The following ADAM20 variants were observed in gnomAD, a reference collection of about 807,000 sequenced individuals.
ADAM20 encodes disintegrin and metalloproteinase domain-containing protein 20.
For missense variants in ADAM20, 871 were observed against 883.2 expected, an observed-to-expected ratio of 0.99 and a Z score of 0.18; for synonymous variants, 305 against 310.2, an observed-to-expected ratio of 0.98 and a Z score of 0.18.
the ADAM20 span, among the ~76,000 whole-genome samples, chr14:70,564,736 ATTT>A: frequency 0.071 from 6,498 of 91,738 alleles, 266 homozygotes; most frequent in Middle Eastern, 0.14. Flanking sequence ...GATAGACGCA[ATTT>A]TTTTTTTTTT....
At chr14:70,529,930 G>T (rs1284718040) in intron 1 of ADAM20, among the ~76,000 whole-genome samples, 3 of 151,872 alleles carry the variant, frequency 2.0e-5, no homozygotes, top group Non-Finnish European at 4.4e-5. Context: ...TCAACTTCTT[G>T]ACTGTTTTGT....
chr14:70,529,930 G>A (rs1284718040), intron 1 of ADAM20, among the ~76,000 whole-genome samples: 2 of 151,872 alleles, frequency 1.3e-5, no homozygotes, highest in South Asian at 4.2e-4. Flanking sequence ...TCAACTTCTT[G>A]ACTGTTTTGT....
chr14:70,575,298 G>A, the ADAM20 span, among the ~76,000 whole-genome samples: 3 of 152,028 alleles, frequency 2.0e-5, no homozygotes, highest in African/African-American at 7.2e-5. Flanking sequence ...AGGTTCAAGC[G>A]ATTCTTCTGC....
In ADAM20 at chr14:70,523,410, C is replaced by T; in HGVS notation, c.1348G>A (p.Gly450Arg). Residue 450 changes from glycine to arginine, a missense_variant, in exon 2 of 2, where the codon GGA becomes AGA. By Grantham distance (125) the Gly-to-Arg change is moderately radical. Transcript: ENST00000256389. ...AATTTGCAGTCTTTGCAACATATTC[C>T]AAAAGCACAAGCAGCCCCAGGATGT... ...TLHPGAACAF[G>R]ICCKDCKFLP... 6.2e-7 allele frequency: 1 copy of T among 1,613,948 alleles called. No homozygotes were observed. The highest frequency in any genetic ancestry group is 8.5e-7 in the Non-Finnish European group (1 of 1,179,954).
the ADAM20 span, among the ~76,000 whole-genome samples, chr14:70,540,866 C>T: frequency 6.6e-6 from 1 of 152,114 alleles, no homozygotes; most frequent in African/African-American, 2.4e-5. Flanking sequence ...GATCTTGGCT[C>T]ACTGCAACCT....
chr14:70,553,481 G>GAACC, the ADAM20 span, among the ~76,000 whole-genome samples: 1 of 106,894 alleles, frequency 9.4e-6, no homozygotes, highest in Non-Finnish European at 1.9e-5. Context: ...AAGAAAAAGA[G>GAACC]AACCACAGGC....
At chr14:70,570,033 A>C in the ADAM20 span, among the ~76,000 whole-genome samples, 1 of 151,034 alleles carries the variant, frequency 6.6e-6, no homozygotes, top group Non-Finnish European at 1.5e-5. Context: ...ACATTCTCTA[A>C]ATTTGACCAC....
At chr14:70,540,247 A>C in the ADAM20 span, among the ~76,000 whole-genome samples, 1 of 152,214 alleles carries the variant, frequency 6.6e-6, no homozygotes, top group Non-Finnish European at 1.5e-5. Flanking sequence ...CCAAAAAAAA[A>C]AATTATAACT....
the ADAM20 span, among the ~76,000 whole-genome samples, chr14:70,562,723 A>C: frequency 6.6e-6 from 1 of 152,116 alleles, no homozygotes; most frequent in African/African-American, 2.4e-5. Flanking sequence ...CAAGTGAAGA[A>C]AGTGCTTGCT....
rs573164838 is a variant in ADAM20 at position 70,523,693 on chromosome 14, C to T, written c.1065G>A (p.Gln355=). ...GHNLGMQHDT[Q]WCVCELQWCI... is the part of the protein sequence containing the mutation. ...ACCACTGTAGCTCGCACACACACCA[C>T]TGGGTGTCATGTTGCATACCCAAAT... The change falls in exon 2 of 2, where the codon CAG becomes CAA. Residue 355 remains glutamine, a synonymous_variant. Transcript: ENST00000256389. 1.1e-5 allele frequency: 18 copies of T among 1,613,976 alleles called. No homozygotes were observed. The highest frequency in any genetic ancestry group is 1.5e-5 in the Non-Finnish European group (18 of 1,179,994).
the ADAM20 span, among the ~76,000 whole-genome samples, chr14:70,561,795 G>A: frequency 1.3e-5 from 2 of 152,280 alleles, no homozygotes; most frequent in African/African-American, 2.4e-5. Context: ...TGGGCCTGCA[G>A]GATGCAGAAG....
chr14:70,541,235 A>G, the ADAM20 span, among the ~76,000 whole-genome samples: 1 of 152,270 alleles, frequency 6.6e-6, no homozygotes, highest in Admixed American at 6.5e-5. Context: ...AATTTATGCA[A>G]GAAATGTACA....
At chr14:70,559,687 T>C in the ADAM20 span, among the ~76,000 whole-genome samples, 1 of 152,212 alleles carries the variant, frequency 6.6e-6, no homozygotes, top group Non-Finnish European at 1.5e-5. Context: ...CATGTCCTAT[T>C]TATTCTTCCC....
At chr14:70,559,762 G>A in the ADAM20 span, among the ~76,000 whole-genome samples, 3 of 152,088 alleles carry the variant, frequency 2.0e-5, no homozygotes, top group Non-Finnish European at 4.4e-5. Flanking sequence ...CCCATCTCAG[G>A]GTCTTTATTC....
upstream of ADAM20, among the ~76,000 whole-genome samples, chr14:70,535,322 C>T (rs1883809558): frequency 6.6e-6 from 1 of 151,546 alleles, no homozygotes; most frequent in Non-Finnish European, 1.5e-5. Flanking sequence ...ACCAAGCTCA[C>T]TGAAAACAAA....
At chr14:70,542,911 C>T in the ADAM20 span, among the ~76,000 whole-genome samples, 1 of 151,426 alleles carries the variant, frequency 6.6e-6, no homozygotes, top group South Asian at 2.1e-4. Context: ...TGCACTCCAG[C>T]CTAGGGGACA....
At chr14:70,541,842 GTTATGTTCAAA>G in the ADAM20 span, among the ~76,000 whole-genome samples, 1 of 152,104 alleles carries the variant, frequency 6.6e-6, no homozygotes, top group Non-Finnish European at 1.5e-5. Context: ...AATTATAATT[GTTATGTTCAAA>G]TTATTGTGTG....
At chr14:70,577,634 C>T in the ADAM20 span, among the ~76,000 whole-genome samples, 2 of 152,258 alleles carry the variant, frequency 1.3e-5, no homozygotes, top group African/African-American at 4.8e-5. Context: ...CTCACACATC[C>T]TGATTTCAAA....
At chr14:70,555,581 C>T in the ADAM20 span, among the ~76,000 whole-genome samples, 1 of 152,178 alleles carries the variant, frequency 6.6e-6, no homozygotes, top group African/African-American at 2.4e-5. Flanking sequence ...TTTAGCAAAC[C>T]TTTATCAGTT....
Sources: allele counts gnomAD v4.1 joint callset (sites outside exome capture counted in the v4.1 genomes callset), GRCh38; gene constraint gnomAD v4.1.1; transcripts MANE v1.5; gene names NCBI Gene and HGNC (gene_info 2026-07-23, HGNC 2026-07-21).